ITGA4: variants seen among roughly 807,000 people sequenced by gnomAD.
ITGA4 encodes integrin alpha-4.
A neutral mutation model predicts 133.6 loss-of-function variants in ITGA4; 63 were observed. That is an observed-to-expected ratio of 0.47 (90% CI 0.38 to 0.58). The LOEUF is 0.58. Ranked by LOEUF, ITGA4 falls within the 20% of genes least tolerant of loss-of-function variation. The pLI is 0.00. For missense variants in ITGA4, 1,076 were observed against 1,252.7 expected (o/e 0.86, Z 2.13); for synonymous variants, 483 against 438.0 (o/e 1.10, Z -1.28).
At chr2:181,512,550 G>C (rs1207997244) in intron 17 of ITGA4, among the ~76,000 whole-genome samples, 1 of 152,046 alleles carries the variant, frequency 6.6e-6, no homozygotes, top group African/African-American at 2.4e-5. Flanking sequence ...AGATTAAAAA[G>C]AATGGGGAGT....
chr2:181,470,024 C>T (rs1255878013), intron 2 of ITGA4, among the ~76,000 whole-genome samples: 1 of 151,800 alleles, frequency 6.6e-6, no homozygotes, highest in African/African-American at 2.4e-5. Context: ...TGTAACAAAC[C>T]TGCATGTTGT....
At chr2:181,485,163 C>A (rs1473579072) in intron 9 of ITGA4, among the ~76,000 whole-genome samples, 1 of 152,152 alleles carries the variant, frequency 6.6e-6, no homozygotes, top group East Asian at 1.9e-4. Flanking sequence ...ACTCAGAAAC[C>A]TTCAGTGTTT....
At chr2:181,530,420 T>C (rs771457898) in intron 23 of ITGA4, 104 bp from the exon 24 acceptor site, 50 of 1,013,518 alleles carry the variant, frequency 4.9e-5, no homozygotes, top group Non-Finnish European at 7.1e-5. Flanking sequence ...GTACTTGATA[T>C]ATTTTAGCAA....
chr2:181,537,947 C>T lies in ITGA4; in HGVS notation c.*2420C>T, dbSNP rs758328553. The stretch of plus-strand genomic sequence containing the variant: ...GCAGCATTAGATTCTCATAGAAGTG[C>T]GAACCATATGGTGAACTGGTATGTG... On this transcript the variant is annotated 3_prime_UTR_variant, in exon 28 of 28. Coordinates refer to ENST00000397033, the MANE Select transcript of ITGA4 (RefSeq NM_000885.6). 2.6e-5 allele frequency: 16 copies of T among 621,676 alleles called. No homozygotes were observed. Among genetic ancestry groups the T allele is most frequent in the Admixed American group, 1.5e-4 (7 of 47,380 alleles). The allele number at this position is 621,676 out of a possible 1,614,324, so 38.5% of individuals were successfully genotyped here.
chr2:181,469,517 A>G lies in ITGA4; in HGVS notation c.320-5443A>G, dbSNP rs1409391223. Among the ~76,000 whole-genome samples the G allele has an allele frequency of 2.6e-5, 4 of 152,320 alleles. No homozygotes were observed. In the East Asian group the frequency reaches 5.8e-4, roughly 22 times the overall value. ...TGGAAGACAGTGTGGCGATTCCTCAAGGATCTAGAACTAGAAAATACCATT... is the reference window on the plus strand; with the variant it reads ...TGGAAGACAGTGTGGCGATTCCTCAGGGATCTAGAACTAGAAAATACCATT... On this transcript the variant is annotated intron_variant, in intron 2 of 27. Coordinates refer to ENST00000397033, the MANE Select transcript of ITGA4 (RefSeq NM_000885.6).
At position 181,525,058 on chromosome 2, in the gene ITGA4, C is replaced by T. The variant is rs1686805226; in HGVS notation, c.2250-144C>T. Reference sequence around the variant, plus strand: ...CCAACCTTGTCCTAAAAAATTTTTACTACCATATCTACTTTTATCCCCACT... The same window carrying T: ...CCAACCTTGTCCTAAAAAATTTTTATTACCATATCTACTTTTATCCCCACT... On this transcript the variant is annotated intron_variant, in intron 20 of 27. Transcript: ENST00000397033. The T allele has an allele frequency of 9.7e-6, 4 of 412,738 alleles. No individual in the cohort carries two copies. The Admixed American group carries it at 1.6e-4, about 17-fold the overall frequency. The allele number at this position is 412,738 out of a possible 1,614,324, so 25.6% of individuals were successfully genotyped here.
chr2:181,528,774 G>A (rs1410432356), intron 22 of ITGA4, among the ~76,000 whole-genome samples: 1 of 152,028 alleles, frequency 6.6e-6, no homozygotes, highest in Non-Finnish European at 1.5e-5. Context: ...CGAGGTATTG[G>A]GATGCATCTC....
At chr2:181,469,920 T>TG (rs1685505801) in intron 2 of ITGA4, among the ~76,000 whole-genome samples, 1 of 132,456 alleles carries the variant, frequency 7.5e-6, no homozygotes, top group Non-Finnish European at 1.6e-5. Context: ...TGTCGTGGGG[T>TG]GGGGGGATGG....
At chr2:181,529,722 A>C (rs1485701303) in intron 23 of ITGA4, 74 bp downstream of exon 23, 1 of 762,606 alleles carries the variant, frequency 1.3e-6, no homozygotes, top group African/African-American at 1.8e-5. Context: ...CCAATCCTTT[A>C]TTCGAGTAAT....
intron 15 of ITGA4, among the ~76,000 whole-genome samples, chr2:181,508,945 C>G (rs1248145142): frequency 6.6e-6 from 1 of 151,202 alleles, no homozygotes; most frequent in Non-Finnish European, 1.5e-5. Context: ...GAGTTCAAGA[C>G]TAGTCTGGGA....
intron 15 of ITGA4, chr2:181,498,995 T>C (rs1574398307): frequency 1.9e-6 from 1 of 529,664 alleles, no homozygotes; most frequent in East Asian, 1.5e-4. Context: ...TTATCACATT[T>C]GACCTCATCA....
intron 17 of ITGA4, among the ~76,000 whole-genome samples, chr2:181,513,867 C>T (rs1239953785): frequency 6.6e-6 from 1 of 152,122 alleles, no homozygotes; most frequent in African/African-American, 2.4e-5. Flanking sequence ...AACTTAAGTT[C>T]TGTTGTGCCC....
chr2:181,504,771 G>C (rs1056606749), intron 15 of ITGA4, among the ~76,000 whole-genome samples: 2 of 151,792 alleles, frequency 1.3e-5, no homozygotes, highest in Admixed American at 6.6e-5. Flanking sequence ...CTATGTTCTT[G>C]GTGCTATTTA....
chr2:181,523,585 ATTC>A lies in ITGA4; in HGVS notation c.2169+57_2169+59del, dbSNP rs376360655. ...TTCACTATCATGAATATTTTTTTCTATTCTTCCCTATCTTTAGGTTGCATAGAA... is the reference window on the plus strand; with the variant it reads ...TTCACTATCATGAATATTTTTTTCTATTCCCTATCTTTAGGTTGCATAGAA... On this transcript the variant is annotated intron_variant, in intron 19 of 27. Coordinates refer to ENST00000397033, the MANE Select transcript of ITGA4 (RefSeq NM_000885.6). This position sits in a 1 kb window ranked among gnomAD's most constrained non-coding sequence, Gnocchi z 4.2. 3.0e-4 allele frequency: 289 copies of A among 964,272 alleles called. 1 individual carries two copies. In the African/African-American group the frequency reaches 3.9e-3, roughly 13 times the overall value. 59.7% of individuals were successfully genotyped at this position (964,272 alleles called of 1,614,324 possible).
Position 181,537,514 on chromosome 2 carries a change from C to CTA in ITGA4, c.*1989_*1990dup. On this transcript the variant is annotated 3_prime_UTR_variant, in exon 28 of 28. Coordinates refer to ENST00000397033, the MANE Select transcript of ITGA4 (RefSeq NM_000885.6). ...CTTTTTTGGCAGGTAGGCTATATAA[C>CTA]TATGTGATTTTGAAATTTAACTGCT... is the stretch of plus-strand genomic sequence containing the variant. 2.2e-6 allele frequency: 1 copy of CTA among 450,056 alleles called. No homozygotes were observed. Among genetic ancestry groups the CTA allele is most frequent in the South Asian group, 1.6e-5 (1 of 64,044 alleles). 27.9% of individuals were successfully genotyped at this position (450,056 alleles called of 1,614,324 possible).
At chr2:181,499,821 A>G (rs1373377425) in intron 15 of ITGA4, among the ~76,000 whole-genome samples, 1 of 152,198 alleles carries the variant, frequency 6.6e-6, no homozygotes, top group Non-Finnish European at 1.5e-5. Context: ...AGTCAATTGT[A>G]GAGACAAATA....
intron 2 of ITGA4, among the ~76,000 whole-genome samples, chr2:181,468,129 T>C (rs1244037843): frequency 6.6e-6 from 1 of 152,204 alleles, no homozygotes; most frequent in Non-Finnish European, 1.5e-5. Flanking sequence ...TCCACAGTCC[T>C]TGCAGAAACC....
chr2:181,506,446 C>T (rs1308203019), intron 15 of ITGA4, among the ~76,000 whole-genome samples: 2 of 152,018 alleles, frequency 1.3e-5, no homozygotes, highest in East Asian at 3.9e-4. Flanking sequence ...AATTAAGAAA[C>T]TTGTCCAATG....
At chr2:181,528,457 G>T (rs1686877692) in intron 22 of ITGA4, among the ~76,000 whole-genome samples, 1 of 152,202 alleles carries the variant, frequency 6.6e-6, no homozygotes, top group South Asian at 2.1e-4. Context: ...ATAATGTAGT[G>T]ACTGGCACTG....
Sources: gnomAD v4.1 joint callset for allele counts (sites outside exome capture counted in the v4.1 genomes callset) on GRCh38, gnomAD v4.1.1 for gene constraint, Gnocchi (gnomAD v3.1) non-coding constraint, MANE v1.5 for transcripts, NCBI Gene and HGNC (gene_info 2026-07-23, HGNC 2026-07-21) for gene names.